The following GP2 variants were observed in gnomAD, a reference collection of about 807,000 sequenced individuals.
The protein encoded by GP2 is pancreatic secretory granule membrane major glycoprotein GP2.
A neutral mutation model predicts 60.8 loss-of-function variants in GP2; 58 were observed. The observed-to-expected ratio is 0.95, with a 90% CI of 0.77 to 1.19. The LOEUF (loss-of-function observed/expected upper bound fraction) is 1.19. GP2 is among the 50% of genes most tolerant of loss of function. The pLI is 0.00. For missense variants in GP2, 647 were observed against 667.4 expected (o/e 0.97, Z 0.34); for synonymous variants, 280 against 253.4 (o/e 1.10, Z -1.00).
chr16:20,323,138 T>C, intron 3 of GP2, 159 bp from the exon 4 acceptor site: 2 of 621,032 alleles, frequency 3.2e-6, no homozygotes, highest in Non-Finnish European at 5.8e-6. Flanking sequence ...TCCAATGGGA[T>C]AAGTGAGAGC....
intron 5 of GP2, 141 bp from the exon 6 acceptor site, chr16:20,319,909 C>G: frequency 1.4e-6 from 1 of 710,120 alleles, no homozygotes; most frequent in South Asian, 1.7e-5. Flanking sequence ...GTCAAGGGAC[C>G]TCTTCCTTCA....
At position 20,311,371 on chromosome 16, in the gene GP2, G is replaced by A. The variant is rs1963991671; in HGVS notation, c.1547-90C>T. Reference sequence around the variant, plus strand: ...GCCTCTTTGTCTTTCACAACACAAGGATGAGAAAGGCAAAGCATCTTTGAT... The same window carrying A: ...GCCTCTTTGTCTTTCACAACACAAGAATGAGAAAGGCAAAGCATCTTTGAT... On this transcript the variant is annotated intron_variant, in intron 10 of 10. Coordinates refer to ENST00000302555, the MANE Select transcript of GP2 (RefSeq NM_001502.4). The A allele has an allele frequency of 5.1e-6, 4 of 790,924 alleles. 1 individual carries two copies. In the South Asian group the frequency reaches 5.5e-5, roughly 11 times the overall value. The allele number at this position is 790,924 out of a possible 1,614,324, so 49.0% of individuals were successfully genotyped here.
chr16:20,319,925 A>G (rs1169300002), intron 5 of GP2, among the ~76,000 whole-genome samples, 157 bp from the exon 6 acceptor site: 5 of 152,174 alleles, frequency 3.3e-5, no homozygotes, highest in African/African-American at 1.2e-4. Flanking sequence ...CTTCAGTGTT[A>G]CTGACACTTT....
At position 20,309,768 on chromosome 16, in the gene GP2, A is replaced by C. The variant is rs1963949256; in HGVS notation, c.*1455T>G. ...CAGGCCCCACTCCCGGAGCTTGTGC[A>C]GCCTGGATGTATCTCTTGCACTGGA... is the stretch of plus-strand genomic sequence containing the variant. On this transcript the variant is annotated 3_prime_UTR_variant, in exon 11 of 11. Transcript: ENST00000302555. 6.6e-6 allele frequency: 1 copy of C among 152,198 alleles called. No homozygotes were observed. Among genetic ancestry groups the C allele is most frequent in the Admixed American group, 6.5e-5 (1 of 15,276 alleles). 9.4% of individuals were successfully genotyped at this position (152,198 alleles called of 1,614,324 possible).
chr16:20,317,335 TCTC>T lies in GP2; in HGVS notation c.1291_1293del (p.Glu431del). On this transcript the variant is annotated inframe_deletion, in exon 8 of 11. Coordinates refer to ENST00000302555, the MANE Select transcript of GP2 (RefSeq NM_001502.4). ...AACCGGCTTTCCGAGGACTGCCCAT[TCTC>T]CTCCACGTGGATGGTGGAATCACGT... The T allele has an allele frequency of 1.2e-6, 2 of 1,613,742 alleles. No individual in the cohort carries two copies. Among genetic ancestry groups the T allele is most frequent in the Non-Finnish European group, 1.7e-6 (2 of 1,179,668 alleles).
rs769060862 is a variant in GP2, at chr16:20,324,065, C to G, written c.286G>C (p.Val96Leu). ...GACATCCTTACTCCTCCTTCCCCTA[C>G]AAAGCGGTACCAGCCGCTCATGTTT... ...DKNMSGWYRFVGEGGVRMSET... is the reference protein window; with the variant it reads ...DKNMSGWYRFLGEGGVRMSET... The change falls in exon 3 of 11, where the codon GTA (valine) becomes CTA (leucine). Residue 96 changes from valine to leucine, a missense_variant. Physicochemically the swap from Val to Leu is conservative, Grantham distance 32 (BLOSUM62 1). Coordinates refer to ENST00000302555, the MANE Select transcript of GP2 (RefSeq NM_001502.4). 22 of 1,614,058 alleles carry G rather than the reference C, an allele frequency of 1.4e-5. No homozygotes were observed. Among genetic ancestry groups the G allele is most frequent in the Non-Finnish European group, 1.9e-5 (22 of 1,179,884 alleles).
rs184827364 is a variant in GP2 at position 20,314,690 on chromosome 16, G to C, written c.1513C>G (p.Pro505Ala). Residue 505 changes from proline to alanine, a missense_variant, in exon 10 of 11, where the codon CCC becomes GCC. Coordinates refer to ENST00000302555, the MANE Select transcript of GP2 (RefSeq NM_001502.4). ...GPITRRGAQS[P>A]GVMNGTPSTA... is the part of the protein sequence containing the mutation. ...CTAGGGGTTCCATTCATGACACCGG[G>C]AGACTGTGCACCTGTGAACAAGAAC... The C allele has an allele frequency of 2.1e-5, 34 of 1,605,814 alleles. 1 individual carries two copies. In the African/African-American group the frequency reaches 2.9e-4, roughly 14 times the overall value.
At chr16:20,318,072 G>T (rs575623415) in intron 7 of GP2, 113 bp downstream of exon 7, 3 of 837,972 alleles carry the variant, frequency 3.6e-6, no homozygotes, top group Non-Finnish European at 6.0e-6. Context: ...CTGGGTCAAA[G>T]ATTGTGGTTA....
chr16:20,317,959 C>T (rs1964236630), intron 7 of GP2, among the ~76,000 whole-genome samples: 1 of 152,050 alleles, frequency 6.6e-6, no homozygotes, highest in Non-Finnish European at 1.5e-5. Flanking sequence ...CAGCCTGTTG[C>T]CAAAGTTATC....
Position 20,310,836 on chromosome 16 carries a change from A to G in GP2, c.*387T>C, listed in dbSNP as rs969317174. On this transcript the variant is annotated 3_prime_UTR_variant, in exon 11 of 11. Coordinates refer to ENST00000302555, the MANE Select transcript of GP2 (RefSeq NM_001502.4). Reference sequence around the variant, plus strand: ...CAATGGCACAATCTCAACTCACTGCAACCTCCACCCCCTGAGTTCGAGCAA... The same window carrying G: ...CAATGGCACAATCTCAACTCACTGCGACCTCCACCCCCTGAGTTCGAGCAA... 5.9e-6 allele frequency: 1 copy of G among 170,488 alleles called. No individual in the cohort carries two copies. The highest frequency in any genetic ancestry group is 1.2e-5 in the Non-Finnish European group (1 of 81,046). 10.6% of individuals were successfully genotyped at this position (170,488 alleles called of 1,614,324 possible). A position where few individuals can be genotyped will look rare whatever the true frequency, so the allele number is the denominator to read the frequency against.
Position 20,324,036 on chromosome 16 carries a change from C to T in GP2, c.315G>A (p.Glu105=), listed in dbSNP as rs745935829. 5 of 1,613,852 alleles carry T rather than the reference C, an allele frequency of 3.1e-6. No homozygotes were observed. The highest frequency in any genetic ancestry group is 4.2e-6 in the Non-Finnish European group (5 of 1,179,686). ...GGCATCGGTGCACCTGGACACAGGTCTCCGACATCCTTACTCCTCCTTCCC... is the reference window on the plus strand; with the variant it reads ...GGCATCGGTGCACCTGGACACAGGTTTCCGACATCCTTACTCCTCCTTCCC... The part of the protein sequence containing the change: ...FVGEGGVRMS[E]TCVQVHRCQT... Residue 105 remains glutamate (E), a synonymous_variant, in exon 3 of 11, where the codon GAG becomes GAA. Transcript: ENST00000302555.
intron 10 of GP2, among the ~76,000 whole-genome samples, chr16:20,313,425 C>A (rs941749155): frequency 2.6e-5 from 4 of 152,156 alleles, no homozygotes; most frequent in Non-Finnish European, 4.4e-5. Flanking sequence ...TTTATGTACT[C>A]TTTCTGTACT....
intron 4 of GP2, among the ~76,000 whole-genome samples, chr16:20,322,178 C>G (rs1964383397): frequency 6.6e-6 from 1 of 152,188 alleles, no homozygotes; most frequent in Admixed American, 6.5e-5. Flanking sequence ...TCCATAGGGA[C>G]TTGTAGTGTG....
Position 20,326,413 on chromosome 16 carries a change from T to C in GP2, c.19A>G (p.Arg7Gly), listed in dbSNP as rs1596530071. The change falls in exon 2 of 11, where the codon AGG becomes GGG. Residue 7 changes from arginine to glycine, a missense_variant. Coordinates refer to ENST00000302555, the MANE Select transcript of GP2 (RefSeq NM_001502.4). The part of the protein sequence containing the change: MPHLME[R>G]MVGSGLLWLA... ...CACAGGAGGCCAGAGCCCACCATCC[T>C]TTCCATAAGGTGAGGCATGCAGGTC... 3 of 1,613,434 alleles carry C rather than the reference T, an allele frequency of 1.9e-6. No homozygotes were observed. The East Asian group carries it at 6.7e-5, about 36-fold the overall frequency.
chr16:20,318,506 T>TTA (rs1190780867), intron 6 of GP2, 76 bp from the exon 7 acceptor site: 2 of 1,368,996 alleles, frequency 1.5e-6, no homozygotes, highest in African/African-American at 1.4e-5. Flanking sequence ...CTTAACACAC[T>TTA]TACGAAGGCA....
chr16:20,317,479 G>A (rs911977626), intron 7 of GP2, 104 bp from the exon 8 acceptor site: 13 of 815,254 alleles, frequency 1.6e-5, no homozygotes, highest in Admixed American at 7.3e-5. Flanking sequence ...GACTTTTTCT[G>A]TTCCTCTGTT....
rs371792441 is a variant in GP2, at chr16:20,314,740, T to C, written c.1502-39A>G. 8 of 1,432,696 alleles carry C rather than the reference T, an allele frequency of 5.6e-6. No individual in the cohort carries two copies. In the African/African-American group the frequency reaches 5.6e-5, roughly 10 times the overall value. 88.7% of individuals were successfully genotyped at this position (1,432,696 alleles called of 1,614,324 possible). Reference sequence around the variant, plus strand: ...CAGAAGGGGTGGGTTTCCTCAGTCATGCTCCAGTGACTGCAACACTGTGGC... The same window carrying C: ...CAGAAGGGGTGGGTTTCCTCAGTCACGCTCCAGTGACTGCAACACTGTGGC... On this transcript the variant is annotated intron_variant, in intron 9 of 10. Coordinates refer to ENST00000302555, the MANE Select transcript of GP2 (RefSeq NM_001502.4).
Position 20,311,264 on chromosome 16 carries a change from G to T in GP2, c.1564C>A (p.Pro522Thr). 2 of 1,607,160 alleles carry T rather than the reference G, an allele frequency of 1.2e-6. No individual in the cohort carries two copies. The highest frequency in any genetic ancestry group is 1.7e-6 in the Non-Finnish European group (2 of 1,173,736). The change falls in exon 11 of 11, where the codon CCT (proline) becomes ACT (threonine). Residue 522 changes from proline (P) to threonine (T), a missense_variant. Transcript: ENST00000302555. ...AGGAGGACAGTCAGGAGGACCATAGGCCAGGCCACCAGGAACCCTGAAATA... is the reference window on the plus strand; with the variant it reads ...AGGAGGACAGTCAGGAGGACCATAGTCCAGGCCACCAGGAACCCTGAAATA... ...PSTAGFLVAW[P>T]MVLLTVLLAW...
At chr16:20,323,702 G>A (rs558043074) in intron 3 of GP2, 114 bp downstream of exon 3, 4 of 692,858 alleles carry the variant, frequency 5.8e-6, no homozygotes, top group South Asian at 3.9e-5. Flanking sequence ...GAGCTGAGTC[G>A]AGGCTGCTCT....
Sources: gnomAD v4.1 joint callset for allele counts (sites outside exome capture counted in the v4.1 genomes callset) on GRCh38, gnomAD v4.1.1 for gene constraint, MANE v1.5 for transcripts, NCBI Gene and HGNC (gene_info 2026-07-23, HGNC 2026-07-21) for gene names.